FANCM: variants seen among roughly 807,000 people sequenced by gnomAD.
FANCM encodes Fanconi anemia group M protein.
A neutral mutation model predicts 199.5 loss-of-function variants in FANCM; 140 were observed. That is an observed-to-expected ratio of 0.70 (90% CI 0.61 to 0.81). The LOEUF (loss-of-function observed/expected upper bound fraction) is 0.81, where lower values mean the gene tolerates loss of function less well. Ranked by LOEUF, FANCM falls within the 30% of genes least tolerant of loss-of-function variation. FANCM has a pLI of 0.00. For missense variants in FANCM, 2,410 were observed against 2,421.4 expected (o/e 1.00, Z 0.10); for synonymous variants, 840 against 836.8 (o/e 1.00, Z -0.07).
At chr14:45,171,298 A>T (rs1210324490) in intron 12 of FANCM, among the ~76,000 whole-genome samples, 2 of 152,074 alleles carry the variant, frequency 1.3e-5, no homozygotes, top group Non-Finnish European at 2.9e-5. Context: ...AACATAAATT[A>T]TGCTTTCATA....
chr14:45,170,785 CT>C (rs761437965), intron 12 of FANCM, 39 bp downstream of exon 12: 31 of 1,566,496 alleles, frequency 2.0e-5, no homozygotes, highest in Admixed American at 5.0e-5. Context: ...TTTCCCCCCC[CT>C]CATTTTAATG....
chr14:45,187,299 T>C (rs1273510005), intron 18 of FANCM, among the ~76,000 whole-genome samples: 1 of 150,992 alleles, frequency 6.6e-6, no homozygotes, highest in Non-Finnish European at 1.5e-5. Flanking sequence ...TTATAACTTT[T>C]AAAAATGCTA....
rs758763305 is a variant in FANCM at position 45,159,215 on chromosome 14, A to G, written c.1516A>G (p.Met506Val). 1.2e-6 allele frequency: 2 copies of G among 1,613,872 alleles called. No homozygotes were observed. The highest frequency in any genetic ancestry group is 3.3e-5 in the Admixed American group (2 of 59,988). The change falls in exon 9 of 23, where the codon ATG becomes GTG. Residue 506 changes from methionine to valine, a missense_variant. By Grantham distance (21) the Met-to-Val change is conservative (BLOSUM62 1). Transcript: ENST00000267430. ...LSQHQPIIRV[M>V]TFVGHASGKS... ...ACAGCATCAGCCAATTATTAGAGTA[A>G]TGACTTTTGTCGGCCATGCCTCAGG...
In FANCM at chr14:45,187,870, A is replaced by G. The variant is rs910499638; in HGVS notation, c.4762A>G (p.Ile1588Val). The G allele has an allele frequency of 2.7e-6, 4 of 1,509,358 alleles. No homozygotes were observed. Among genetic ancestry groups the G allele is most frequent in the African/African-American group, 1.4e-5 (1 of 72,844 alleles). 93.5% of individuals were successfully genotyped at this position (1,509,358 alleles called of 1,614,324 possible). ...AATGATTCATAAGACACATAAAAAC[A>G]TAAACATTTTCTCGCAGGTATGAAC... The part of the protein sequence containing the change: ...YKMIHKTHKN[I>V]NIFSQIPEQD... The change falls in exon 19 of 23, where the codon ATA becomes GTA. Residue 1588 changes from isoleucine (I) to valine (V), a missense_variant. By Grantham distance (29) the Ile-to-Val change is conservative. Transcript: ENST00000267430.
chr14:45,185,376 A>G lies in FANCM; in HGVS notation c.4672+3A>G. 1.3e-6 allele frequency: 2 copies of G among 1,537,600 alleles called. No homozygotes were observed. The highest frequency in any genetic ancestry group is 1.8e-6 in the Non-Finnish European group (2 of 1,125,984). ...TCAACTTTCACAGGCTATAAATGGT[A>G]AATGTTATAATGATCCTTAAAATTT... On this transcript the variant is annotated splice_donor_region_variant and intron_variant, in intron 18 of 22. Transcript: ENST00000267430.
At chr14:45,139,837 A>G (rs1885782447) in intron 2 of FANCM, among the ~76,000 whole-genome samples, 1 of 152,010 alleles carries the variant, frequency 6.6e-6, no homozygotes, top group East Asian at 1.9e-4. Context: ...CTTTCACTAC[A>G]TTACAGGTAT....
At chr14:45,174,006 CAG>C (rs1888505164) in intron 13 of FANCM, among the ~76,000 whole-genome samples, 1 of 152,086 alleles carries the variant, frequency 6.6e-6, no homozygotes, top group African/African-American at 2.4e-5. Flanking sequence ...CGTTAGCAAA[CAG>C]AGAAAATATT....
At chr14:45,174,051 G>T (rs904754260) in intron 13 of FANCM, among the ~76,000 whole-genome samples, 1 of 152,138 alleles carries the variant, frequency 6.6e-6, no homozygotes, top group South Asian at 2.1e-4. Flanking sequence ...CTAGCAGGGA[G>T]ACAGACATTT....
At chr14:45,191,034 GATT>G (rs1050695700) in intron 20 of FANCM, among the ~76,000 whole-genome samples, 8 of 152,134 alleles carry the variant, frequency 5.3e-5, no homozygotes, top group Admixed American at 5.2e-4. Context: ...TGCCTGGCAA[GATT>G]ATTATTTTTG....
chr14:45,196,779 G>A (rs1308077689), intron 21 of FANCM, among the ~76,000 whole-genome samples: 1 of 152,174 alleles, frequency 6.6e-6, no homozygotes, highest in Non-Finnish European at 1.5e-5. Flanking sequence ...CCAAACATAA[G>A]ACTTTTTCAG....
In FANCM at chr14:45,167,081, G is replaced by A; in HGVS notation, c.1920G>A (p.Met640Ile). 6.2e-7 allele frequency: 1 copy of A among 1,613,722 alleles called. No individual in the cohort carries two copies. Among genetic ancestry groups the A allele is most frequent in the South Asian group, 1.1e-5 (1 of 91,070 alleles). Residue 640 changes from methionine (M) to isoleucine (I), a missense_variant, in exon 11 of 23, where the codon ATG (methionine) becomes ATA (isoleucine). Coordinates refer to ENST00000267430, the MANE Select transcript of FANCM (RefSeq NM_020937.4). ...GAATCAACCCAAAATTACACAAAAT[G>A]TTCATCACACATGGTGTCTATGAAC... ...PDGINPKLHKMFITHGVYEPE... is the reference protein window; with the variant it reads ...PDGINPKLHKIFITHGVYEPE...
chr14:45,190,645 A>G (rs970416360), intron 20 of FANCM, among the ~76,000 whole-genome samples: 1 of 151,058 alleles, frequency 6.6e-6, no homozygotes, highest in Non-Finnish European at 1.5e-5. Flanking sequence ...GTTTCATCAC[A>G]CTCTGCCTTA....
Position 45,143,348 on chromosome 14 carries a change from G to T in FANCM, c.759+2639G>T, listed in dbSNP as rs1483331361. Among the ~76,000 whole-genome samples, 7 of 152,016 alleles carry T rather than the reference G, an allele frequency of 4.6e-5. No homozygotes were observed. The East Asian group carries it at 1.4e-3, about 29-fold the overall frequency. ...CACCCAGCAAATTTTTGTATCTTTT[G>T]TAGAGACAGGGTCTCCCATTGTTGC... On this transcript the variant is annotated intron_variant, in intron 3 of 22. Coordinates refer to ENST00000267430, the MANE Select transcript of FANCM (RefSeq NM_020937.4).
intron 8 of FANCM, among the ~76,000 whole-genome samples, chr14:45,156,230 G>A (rs1182518940): frequency 6.6e-6 from 1 of 152,200 alleles, no homozygotes; most frequent in Admixed American, 6.5e-5. Flanking sequence ...AAGGCCTTGA[G>A]GTGGCAGTAG....
chr14:45,152,673 G>A (rs756718405), intron 5 of FANCM, among the ~76,000 whole-genome samples: 4 of 152,220 alleles, frequency 2.6e-5, no homozygotes, highest in Non-Finnish European at 5.9e-5. Context: ...GAGACAGTGA[G>A]CAGACCAATT....
At chr14:45,145,341 C>T (rs1886285353) in intron 3 of FANCM, among the ~76,000 whole-genome samples, 2 of 152,122 alleles carry the variant, frequency 1.3e-5, no homozygotes, top group South Asian at 4.1e-4. Flanking sequence ...CCTGGTGTCT[C>T]ACTAGGTCAC....
chr14:45,160,302 GTCT>G (rs931936008), intron 9 of FANCM, among the ~76,000 whole-genome samples: 14 of 149,462 alleles, frequency 9.4e-5, no homozygotes, highest in East Asian at 3.9e-4. Flanking sequence ...CTGGGAGGTA[GTCT>G]TCTTCTTCTT....
At position 45,155,390 on chromosome 14, in the gene FANCM, T is replaced by A. The variant is rs1245664522; in HGVS notation, c.1327T>A (p.Phe443Ile). 6 of 1,411,920 alleles carry A rather than the reference T, an allele frequency of 4.2e-6. No homozygotes were observed. The highest frequency in any genetic ancestry group is 2.3e-5 in the East Asian group (1 of 43,668). The allele number at this position is 1,411,920 out of a possible 1,614,324, so 87.5% of individuals were successfully genotyped here. The change falls in exon 8 of 23, where the codon TTT (phenylalanine) becomes ATT (isoleucine). Residue 443 changes from phenylalanine to isoleucine, a missense_variant. Physicochemically the swap from Phe to Ile is conservative, Grantham distance 21 (BLOSUM62 0). Transcript: ENST00000267430. ...AIQQGDKNKK[F>I]VYSHPKLKKL... is the part of the protein sequence containing the mutation. Reference sequence around the variant, plus strand: ...TGTTCCAGGAGATAAAAATAAAAAATTTGTTTATAGTCATCCAAAGTTAAA... The same window carrying A: ...TGTTCCAGGAGATAAAAATAAAAAAATTGTTTATAGTCATCCAAAGTTAAA...
chr14:45,173,236 T>C, intron 13 of FANCM, 26 bp downstream of exon 13: 1 of 1,601,756 alleles, frequency 6.2e-7, no homozygotes, highest in Non-Finnish European at 8.6e-7. Flanking sequence ...AACTTTCTCT[T>C]GCTGGTATGA....
Sources: allele counts gnomAD v4.1 joint callset (sites outside exome capture counted in the v4.1 genomes callset), GRCh38; gene constraint gnomAD v4.1.1; transcripts MANE v1.5; gene names NCBI Gene and HGNC (gene_info 2026-07-23, HGNC 2026-07-21).